Variants in PXDNL observed in about 807,000 individuals in gnomAD.
The protein encoded by PXDNL is probable oxidoreductase PXDNL.
A neutral mutation model predicts 150.8 loss-of-function variants in PXDNL; 145 were observed. The observed-to-expected ratio is 0.96, with a 90% CI of 0.84 to 1.10. The LOEUF is 1.10. Among genes scored for constraint, PXDNL ranks in the 50% least tolerant of loss-of-function variants. PXDNL has a pLI of 0.00. For synonymous variants in PXDNL, 757 were observed against 725.7 expected (o/e 1.04, Z -0.69); for missense variants, 2,087 against 1,873.9 (o/e 1.11, Z -2.10).
intron 1 of PXDNL, among the ~76,000 whole-genome samples, chr8:51,737,287 A>C (rs2130945910): frequency 6.6e-6 from 1 of 152,364 alleles, no homozygotes; most frequent in East Asian, 1.9e-4. Context: ...TTCAGTAAGA[A>C]TGACATCGGA....
intron 2 of PXDNL, among the ~76,000 whole-genome samples, chr8:51,608,002 G>A (rs867176426): frequency 2.6e-4 from 17 of 64,656 alleles, no homozygotes; most frequent in African/African-American, 7.5e-4. Context: ...AGGAAGGAAG[G>A]AAGAAAGAAA....
chr8:51,645,637 G>T (rs902380754), intron 2 of PXDNL, among the ~76,000 whole-genome samples: 1 of 152,144 alleles, frequency 6.6e-6, no homozygotes, highest in East Asian at 1.9e-4. Context: ...TAGATGTAGG[G>T]TTTGAGGTAA....
intron 2 of PXDNL, among the ~76,000 whole-genome samples, chr8:51,605,527 A>C (rs1445483555): frequency 6.6e-6 from 1 of 152,074 alleles, no homozygotes; most frequent in Non-Finnish European, 1.5e-5. Context: ...GAAAATCACA[A>C]GGCTATGTTT....
chr8:51,663,674 C>G (rs1281206708), intron 1 of PXDNL, among the ~76,000 whole-genome samples: 1 of 152,106 alleles, frequency 6.6e-6, no homozygotes, highest in Non-Finnish European at 1.5e-5. Context: ...TAGAAAGTCC[C>G]TTCCAGATTT....
At chr8:51,788,865 C>T (rs139607952) in intron 1 of PXDNL, among the ~76,000 whole-genome samples, 32 of 152,292 alleles carry the variant, frequency 2.1e-4, no homozygotes, top group Non-Finnish European at 3.2e-4. Flanking sequence ...ACTCAGTGCC[C>T]TATGCTTCAG....
At chr8:51,541,253 T>TAAAAAAA (rs5891421) in intron 4 of PXDNL, among the ~76,000 whole-genome samples, 5 of 127,204 alleles carry the variant, frequency 3.9e-5, no homozygotes, top group African/African-American at 1.5e-4. Context: ...TGAGACTCCA[T>TAAAAAAA]AAAAAAAAAA....
At chr8:51,754,044 G>A (rs546358669) in intron 1 of PXDNL, among the ~76,000 whole-genome samples, 34 of 152,182 alleles carry the variant, frequency 2.2e-4, no homozygotes, top group African/African-American at 7.0e-4. Flanking sequence ...CAAGCGCCAA[G>A]GATTTATACA....
chr8:51,343,016 G>A (rs747272050), intron 20 of PXDNL, among the ~76,000 whole-genome samples: 3 of 151,980 alleles, frequency 2.0e-5, no homozygotes, highest in Admixed American at 6.5e-5. Context: ...GAGAGGCAAC[G>A]AGCCCAGGTA....
chr8:51,713,513 CGTT>C (rs1563515442), intron 1 of PXDNL, among the ~76,000 whole-genome samples: 1 of 152,198 alleles, frequency 6.6e-6, no homozygotes, highest in Non-Finnish European at 1.5e-5. Context: ...GGCTGGCCAA[CGTT>C]GTCCTCACAC....
chr8:51,591,459 A>C (rs561991313), intron 3 of PXDNL, among the ~76,000 whole-genome samples: 245 of 152,316 alleles, frequency 1.6e-3, no homozygotes, highest in African/African-American at 5.2e-3. Context: ...TGGGTTTAAC[A>C]GGAATTTCAG....
At chr8:51,424,385 A>T (rs1004593291) in intron 13 of PXDNL, among the ~76,000 whole-genome samples, 3 of 152,182 alleles carry the variant, frequency 2.0e-5, no homozygotes, top group African/African-American at 7.2e-5. Flanking sequence ...AAAAAAAATA[A>T]AAATTAACGA....
chr8:51,625,338 C>T (rs542711278), intron 2 of PXDNL, among the ~76,000 whole-genome samples: 6 of 152,206 alleles, frequency 3.9e-5, no homozygotes, highest in South Asian at 2.1e-4. Flanking sequence ...AATTACGTAG[C>T]GCCCCTGTGA....
chr8:51,421,404 G>A (rs766025555), intron 14 of PXDNL, among the ~76,000 whole-genome samples: 160 of 152,202 alleles, frequency 1.1e-3, no homozygotes, highest in Non-Finnish European at 1.4e-3. Context: ...ATTTTGTAAC[G>A]TTAAGAAACT....
intron 1 of PXDNL, among the ~76,000 whole-genome samples, chr8:51,666,829 A>G (rs1325106779): frequency 6.6e-6 from 1 of 152,166 alleles, no homozygotes; most frequent in Non-Finnish European, 1.5e-5. Context: ...GGATTTTTGT[A>G]GGAAAGCAAA....
chr8:51,768,259 G>GTT (rs35755307), intron 1 of PXDNL, among the ~76,000 whole-genome samples: 10 of 141,946 alleles, frequency 7.0e-5, no homozygotes, highest in East Asian at 2.1e-4. Context: ...TTTTATCAGT[G>GTT]TTTTTTTTTT....
chr8:51,702,039 T>G (rs183766008), intron 1 of PXDNL, among the ~76,000 whole-genome samples: 4 of 152,328 alleles, frequency 2.6e-5, no homozygotes, highest in Admixed American at 2.6e-4. Flanking sequence ...TTAAATATGT[T>G]TACAATACTA....
chr8:51,645,835 C>A (rs12548130), intron 2 of PXDNL, among the ~76,000 whole-genome samples: 102,291 of 151,930 alleles, frequency 0.67, 35,137 homozygotes, highest in Non-Finnish European at 0.74. Context: ...CGTGAAATCG[C>A]AGTTCAAAGT....
intron 1 of PXDNL, among the ~76,000 whole-genome samples, chr8:51,679,180 T>C (rs985075310): frequency 2.6e-5 from 4 of 152,240 alleles, no homozygotes; most frequent in Non-Finnish European, 5.9e-5. Context: ...TGAAAATTTG[T>C]TTTAGGCTAG....
intron 3 of PXDNL, among the ~76,000 whole-genome samples, chr8:51,576,198 C>CAAAAAAAAAA (rs35166901): frequency 9.1e-6 from 1 of 109,356 alleles, no homozygotes; most frequent in Non-Finnish European, 2.0e-5. Flanking sequence ...AACACTGCTC[C>CAAAAAAAAAA]AAAAAAAAAA....
Sources: gnomAD v4.1 joint callset for allele counts (sites outside exome capture counted in the v4.1 genomes callset) on GRCh38, gnomAD v4.1.1 for gene constraint, MANE v1.5 for transcripts, NCBI Gene and HGNC (gene_info 2026-07-23, HGNC 2026-07-21) for gene names.